TCP11L1: variants seen among roughly 807,000 people sequenced by gnomAD.
TCP11L1 encodes T-complex protein 11-like protein 1.
A neutral mutation model predicts 48.9 loss-of-function variants in TCP11L1; 28 were observed. That is an observed-to-expected ratio of 0.57 (90% CI 0.42 to 0.78). The LOEUF is 0.78. Ranked by LOEUF, TCP11L1 falls within the 30% of genes least tolerant of loss-of-function variation. TCP11L1 has a pLI of 0.00. For synonymous variants in TCP11L1, 204 were observed against 231.9 expected (o/e 0.88, Z 1.09); for missense variants, 505 against 613.4 (o/e 0.82, Z 1.87).
chr11:33,057,881 A>G (rs373640575), intron 4 of TCP11L1, 38 bp from the exon 5 acceptor site: 100 of 1,543,076 alleles, frequency 6.5e-5, no homozygotes, highest in Non-Finnish European at 6.9e-5. Flanking sequence ...AATGATGTCT[A>G]AAGAATTTTG....
chr11:33,043,172 A>G (rs1853889604), intron 1 of TCP11L1, among the ~76,000 whole-genome samples: 2 of 152,084 alleles, frequency 1.3e-5, no homozygotes, highest in African/African-American at 4.8e-5. Context: ...CAGGCGGAGG[A>G]TGCAGTTAGC....
intron 7 of TCP11L1, among the ~76,000 whole-genome samples, chr11:33,064,684 C>A (rs144732599): frequency 1.3e-5 from 2 of 152,354 alleles, no homozygotes; most frequent in African/African-American, 4.8e-5. Context: ...CTCGCCAGTT[C>A]TTACAAGCTT....
intron 2 of TCP11L1, among the ~76,000 whole-genome samples, chr11:33,044,874 G>A (rs1853942699): frequency 6.6e-6 from 1 of 152,172 alleles, no homozygotes. Context: ...AATATGTGTA[G>A]TTAGAAAGCT....
chr11:33,050,035 A>T (rs1854113304), intron 2 of TCP11L1, among the ~76,000 whole-genome samples: 1 of 151,960 alleles, frequency 6.6e-6, no homozygotes, highest in Non-Finnish European at 1.5e-5. Context: ...GAGAATGGTG[A>T]TGACTTTTAA....
At chr11:33,043,235 G>GA (rs1491578691) in intron 1 of TCP11L1, among the ~76,000 whole-genome samples, 2 of 75,158 alleles carry the variant, frequency 2.7e-5, no homozygotes, top group African/African-American at 7.8e-5. Flanking sequence ...AACTCCATCT[G>GA]GAAAAAAAAA....
chr11:33,060,646 G>C (rs1476537871), intron 6 of TCP11L1, among the ~76,000 whole-genome samples: 1 of 152,150 alleles, frequency 6.6e-6, no homozygotes, highest in East Asian at 1.9e-4. Context: ...GCTTAGAAAA[G>C]CAGGGGTGCA....
intron 2 of TCP11L1, among the ~76,000 whole-genome samples, chr11:33,051,196 C>G (rs1258531745): frequency 6.6e-6 from 1 of 152,112 alleles, no homozygotes; most frequent in Non-Finnish European, 1.5e-5. Flanking sequence ...GAGACGGAGT[C>G]TCGCTCTGTC....
intron 9 of TCP11L1, among the ~76,000 whole-genome samples, chr11:33,069,549 A>T (rs1854717242): frequency 6.6e-6 from 1 of 152,166 alleles, no homozygotes; most frequent in Admixed American, 6.5e-5. Context: ...ATTTTGTAGT[A>T]TATACATACA....
intron 2 of TCP11L1, among the ~76,000 whole-genome samples, chr11:33,051,434 TG>T (rs1172771253): frequency 6.6e-6 from 1 of 152,224 alleles, no homozygotes; most frequent in South Asian, 2.1e-4. Flanking sequence ...CCCAAAGTGC[TG>T]GGATTACAGG....
At chr11:33,057,025 C>A in intron 3 of TCP11L1, 90 bp from the exon 4 acceptor site, 2 of 1,569,676 alleles carry the variant, frequency 1.3e-6, no homozygotes, top group Non-Finnish European at 1.7e-6. Context: ...TGATCTTACC[C>A]TAAACCCATA....
chr11:33,044,549 A>G (rs1853932730), intron 2 of TCP11L1, among the ~76,000 whole-genome samples: 1 of 152,216 alleles, frequency 6.6e-6, no homozygotes, highest in African/African-American at 2.4e-5. Context: ...CAAGTTTTTA[A>G]GAGGGAATGT....
intron 8 of TCP11L1, among the ~76,000 whole-genome samples, chr11:33,068,408 CAG>C (rs1854681081): frequency 1.3e-5 from 2 of 152,116 alleles, no homozygotes; most frequent in South Asian, 4.1e-4. Flanking sequence ...TTTTATCACA[CAG>C]AGGCTAGCAG....
chr11:33,057,303 A>G, intron 4 of TCP11L1, 68 bp downstream of exon 4: 4 of 1,600,690 alleles, frequency 2.5e-6, no homozygotes, highest in Admixed American at 1.7e-5. Flanking sequence ...TTCTTGTGTC[A>G]CCACCAGAAG....
chr11:33,052,837 A>T (rs1854202368), intron 2 of TCP11L1, among the ~76,000 whole-genome samples: 1 of 152,168 alleles, frequency 6.6e-6, no homozygotes, highest in Non-Finnish European at 1.5e-5. Context: ...TTAAAAAAAT[A>T]GAAAAAATAA....
At chr11:33,057,355 C>T in intron 4 of TCP11L1, 120 bp downstream of exon 4, 1 of 1,494,362 alleles carries the variant, frequency 6.7e-7, no homozygotes, top group Non-Finnish European at 9.1e-7. Context: ...AAGTACTTGC[C>T]AGAAGGTGGA....
At chr11:33,047,419 T>C (rs1854031138) in intron 2 of TCP11L1, among the ~76,000 whole-genome samples, 1 of 152,226 alleles carries the variant, frequency 6.6e-6, no homozygotes, top group African/African-American at 2.4e-5. Context: ...ACTTATACTT[T>C]AATGCTCTTC....
At chr11:33,069,870 G>A (rs779858426) in intron 9 of TCP11L1, among the ~76,000 whole-genome samples, 2 of 152,148 alleles carry the variant, frequency 1.3e-5, no homozygotes, top group Non-Finnish European at 2.9e-5. Context: ...GCCTCCCAAA[G>A]TGCTGGGGTT....
At chr11:33,046,582 C>G (rs944867997) in intron 2 of TCP11L1, among the ~76,000 whole-genome samples, 1 of 152,122 alleles carries the variant, frequency 6.6e-6, no homozygotes, top group African/African-American at 2.4e-5. Flanking sequence ...GTAGTCTGTA[C>G]CAAAATAAGG....
chr11:33,069,657 C>T (rs1000820247), intron 9 of TCP11L1, among the ~76,000 whole-genome samples: 5 of 152,020 alleles, frequency 3.3e-5, no homozygotes, highest in Admixed American at 6.6e-5. Flanking sequence ...TGCAGTGATG[C>T]GATCTCGGCT....
Sources: gnomAD v4.1 joint callset for allele counts (sites outside exome capture counted in the v4.1 genomes callset) on GRCh38, gnomAD v4.1.1 for gene constraint, MANE v1.5 for transcripts, NCBI Gene and HGNC (gene_info 2026-07-23, HGNC 2026-07-21) for gene names.